CPA6: variants seen among roughly 807,000 people sequenced by gnomAD.
The protein encoded by CPA6 is carboxypeptidase A6, also known as carboxypeptidase B.
A neutral mutation model predicts 63.3 loss-of-function variants in CPA6; 58 were observed. That is an observed-to-expected ratio of 0.92 (90% confidence interval 0.74 to 1.14). The LOEUF is 1.14. Among genes scored for constraint, CPA6 ranks in the 50% most tolerant of loss-of-function variants. CPA6 has a pLI of 0.00. For missense variants in CPA6, 565 were observed against 526.6 expected (o/e 1.07, Z -0.71); for synonymous variants, 185 against 179.0 (o/e 1.03, Z -0.27).
chr8:67,653,860 A>G (rs56064905), intron 1 of CPA6, among the ~76,000 whole-genome samples: 10,137 of 151,860 alleles, frequency 0.067, 377 homozygotes, highest in South Asian at 0.12. Flanking sequence ...CCCATTCAGT[A>G]TGATATTGGC....
rs1361242542 is a variant in CPA6 at position 67,475,789 on chromosome 8, CTTTCTTTCTTT to C, written c.838+7968_838+7978del. On this transcript the variant is annotated intron_variant, in intron 8 of 10. Transcript: ENST00000297770. ...TTTCTCTTTCTTTCTTTCTTTCTTT[CTTTCTTTCTTT>C]CTTTCTTTCTTTCTTTCCTTTCTTT... Among the ~76,000 whole-genome samples the C allele has an allele frequency of 1.0e-4, 8 of 77,006 alleles. No individual in the cohort carries two copies. In the South Asian group the frequency reaches 1.8e-3, roughly 17 times the overall value. The allele number at this position is 77,006 out of a possible 152,430, so 50.5% of individuals were successfully genotyped here. A position where few individuals can be genotyped will look rare whatever the true frequency, so the allele number is the denominator to read the frequency against.
At chr8:67,489,161 G>T (rs1447031471) in intron 6 of CPA6, among the ~76,000 whole-genome samples, 1 of 151,678 alleles carries the variant, frequency 6.6e-6, no homozygotes, top group African/African-American at 2.4e-5. Flanking sequence ...GCCCAGGCTG[G>T]TCTCAGACTC....
At position 67,427,944 on chromosome 8, in the gene CPA6, TC is replaced by T. The variant is rs367683764; in HGVS notation, c.1126+102del. On this transcript the variant is annotated intron_variant, in intron 10 of 10. Coordinates refer to ENST00000297770, the MANE Select transcript of CPA6 (RefSeq NM_020361.5). ...TCAGCTAATTTGATAGTCAAAATTT[TC>T]ACTTTAGGGAGAACACACTTTCTCC... 1.4e-4 allele frequency: 100 copies of T among 716,722 alleles called. 1 individual carries two copies. The African/African-American group carries it at 1.6e-3, about 12-fold the overall frequency. The allele number at this position is 716,722 out of a possible 1,614,324, so 44.4% of individuals were successfully genotyped here.
intron 2 of CPA6, among the ~76,000 whole-genome samples, chr8:67,607,245 T>TC (rs1564021503): frequency 1.1e-3 from 95 of 84,556 alleles, no homozygotes; most frequent in Non-Finnish European, 1.7e-3. Flanking sequence ...TTCTTCTTCT[T>TC]CTTCTTCTCC....
chr8:67,468,982 A>G (rs536662557), intron 8 of CPA6, among the ~76,000 whole-genome samples: 82 of 152,270 alleles, frequency 5.4e-4, no homozygotes, highest in Non-Finnish European at 1.1e-3. Context: ...CTTCTGCCCT[A>G]CAGTTTAGTC....
In CPA6 at chr8:67,640,033, T is replaced by C. The variant is rs1329258761; in HGVS notation, c.117-15782A>G. ...GGTAGCTTCTCTCTGTAGCTGGTCGTCCCATCATCTCCTTGAGTCTGGGAA... is the reference window on the plus strand; with the variant it reads ...GGTAGCTTCTCTCTGTAGCTGGTCGCCCCATCATCTCCTTGAGTCTGGGAA... On this transcript the variant is annotated intron_variant, in intron 1 of 10. Coordinates refer to ENST00000297770, the MANE Select transcript of CPA6 (RefSeq NM_020361.5). Among the ~76,000 whole-genome samples the C allele has an allele frequency of 2.0e-5, 3 of 151,172 alleles. 1 individual carries two copies. Among genetic ancestry groups the C allele is most frequent in the African/African-American group, 7.4e-5 (3 of 40,584 alleles).
Position 67,667,229 on chromosome 8 carries a change from G to T in CPA6, c.117-42978C>A, listed in dbSNP as rs1018215491. 2.6e-5 allele frequency among the ~76,000 whole-genome samples: 4 copies of T among 151,814 alleles called. No homozygotes were observed. In the South Asian group the frequency reaches 8.3e-4, roughly 31 times the overall value. On this transcript the variant is annotated intron_variant, in intron 1 of 10. Transcript: ENST00000297770. Reference sequence around the variant, plus strand: ...TGTCAAGAAAAGGTTGATGGAGCCCGATGTCATTTCGGATTGGGGTGAAGG... The same window carrying T: ...TGTCAAGAAAAGGTTGATGGAGCCCTATGTCATTTCGGATTGGGGTGAAGG...
At chr8:67,681,500 C>T (rs1040801789) in intron 1 of CPA6, among the ~76,000 whole-genome samples, 8 of 151,826 alleles carry the variant, frequency 5.3e-5, no homozygotes, top group African/African-American at 9.7e-5. Context: ...TGAGCCACCG[C>T]GCCCGGCCAA....
At chr8:67,604,644 C>T (rs971969635) in intron 2 of CPA6, among the ~76,000 whole-genome samples, 1 of 152,166 alleles carries the variant, frequency 6.6e-6, no homozygotes, top group African/African-American at 2.4e-5. Flanking sequence ...CAGAACAGTG[C>T]CTGGCACAGA....
Position 67,696,209 on chromosome 8 carries a change from A to G in CPA6, c.116+49805T>C, listed in dbSNP as rs1816909504. ...ATGCTGGGCTATAAAACAAACCACA[A>G]AAAAGATGTATGATTTGAATAAACA... On this transcript the variant is annotated intron_variant, in intron 1 of 10. Transcript: ENST00000297770. 4.0e-5 allele frequency among the ~76,000 whole-genome samples: 6 copies of G among 151,282 alleles called. No individual in the cohort carries two copies. In the South Asian group the frequency reaches 1.2e-3, roughly 31 times the overall value.
chr8:67,566,811 A>AAC (rs1374308227), intron 2 of CPA6, among the ~76,000 whole-genome samples: 1 of 152,176 alleles, frequency 6.6e-6, no homozygotes. Flanking sequence ...CCAGTGCATG[A>AAC]ACTCTAACCT....
chr8:67,746,221 C>A lies in CPA6; in HGVS notation c.-92G>T. On this transcript the variant is annotated 5_prime_UTR_variant, in exon 1 of 11. Transcript: ENST00000297770. ...ACCCTCTACACACCGCACAGGTTCT[C>A]CGGGAAGGGGGTGGGCGAGGAAGGT... The A allele has an allele frequency of 2.5e-6, 2 of 799,044 alleles. No homozygotes were observed. Among genetic ancestry groups the A allele is most frequent in the East Asian group, 2.7e-5 (1 of 36,620 alleles). 49.5% of individuals were successfully genotyped at this position (799,044 alleles called of 1,614,324 possible).
intron 1 of CPA6, among the ~76,000 whole-genome samples, chr8:67,720,716 A>G (rs181966206): frequency 5.9e-5 from 9 of 152,334 alleles, no homozygotes; most frequent in African/African-American, 1.9e-4. Flanking sequence ...GTAATTTTAT[A>G]TCGCCGCATT....
chr8:67,433,650 A>G (rs1810077968), intron 9 of CPA6, among the ~76,000 whole-genome samples: 1 of 152,240 alleles, frequency 6.6e-6, no homozygotes, highest in Non-Finnish European at 1.5e-5. Flanking sequence ...TATGATACTA[A>G]TCAAATCCAC....
chr8:67,699,885 G>A (rs1042710381), intron 1 of CPA6, among the ~76,000 whole-genome samples: 5 of 152,116 alleles, frequency 3.3e-5, no homozygotes, highest in Non-Finnish European at 5.9e-5. Context: ...CACCACGCCC[G>A]GCCATGGTTT....
At chr8:67,739,941 G>C (rs1817881872) in intron 1 of CPA6, among the ~76,000 whole-genome samples, 2 of 152,172 alleles carry the variant, frequency 1.3e-5, no homozygotes, top group Admixed American at 6.5e-5. Context: ...TATGTGGCTG[G>C]TGGTCATTAC....
intron 2 of CPA6, among the ~76,000 whole-genome samples, chr8:67,557,573 G>A (rs985466042): frequency 2.6e-5 from 4 of 152,032 alleles, no homozygotes; most frequent in African/African-American, 9.7e-5. Context: ...AGCACCATCT[G>A]GCCAGCAAAC....
At chr8:67,678,047 C>T (rs1310416862) in intron 1 of CPA6, among the ~76,000 whole-genome samples, 1 of 152,082 alleles carries the variant, frequency 6.6e-6, no homozygotes, top group East Asian at 1.9e-4. Flanking sequence ...ACCGGCCTGG[C>T]CAAAACCCTG....
intron 2 of CPA6, among the ~76,000 whole-genome samples, chr8:67,577,472 A>G (rs1414625019): frequency 6.6e-6 from 1 of 152,168 alleles, no homozygotes; most frequent in Non-Finnish European, 1.5e-5. Context: ...CTAATAGGGA[A>G]GATTCACTAC....
Sources: gnomAD v4.1 joint callset for allele counts (sites outside exome capture counted in the v4.1 genomes callset) on GRCh38, gnomAD v4.1.1 for gene constraint, MANE v1.5 for transcripts, NCBI Gene and HGNC (gene_info 2026-07-23, HGNC 2026-07-21) for gene names.